The following COL27A1 variants were observed in gnomAD, a reference collection of about 807,000 sequenced individuals.
COL27A1 encodes the protein collagen type XXVII alpha 1 chain.
Under a neutral mutation model 251.3 loss-of-function variants are expected in COL27A1, and 106 were observed. That is an observed-to-expected ratio of 0.42 (90% CI 0.36 to 0.50). The LOEUF (loss-of-function observed/expected upper bound fraction) is 0.50. Among genes scored for constraint, COL27A1 ranks in the 20% least tolerant of loss-of-function variants. COL27A1 has a pLI of 0.00. For synonymous variants in COL27A1, 1,000 were observed against 986.3 expected, an observed-to-expected ratio of 1.01 and a Z score of -0.26; for missense variants, 2,325 against 2,522.8, an observed-to-expected ratio of 0.92 and a Z score of 1.68.
At chr9:114,281,365 C>T (rs1186744433) in intron 37 of COL27A1, among the ~76,000 whole-genome samples, 1 of 152,246 alleles carries the variant, frequency 6.6e-6, no homozygotes, top group African/African-American at 2.4e-5. Context: ...CCTTGCTGTG[C>T]AGTTTCTCTG....
chr9:114,231,955 T>C, intron 16 of COL27A1, 89 bp downstream of exon 16: 1 of 1,271,964 alleles, frequency 7.9e-7, no homozygotes, highest in African/African-American at 1.5e-5. Flanking sequence ...TCTCGCCAGG[T>C]CCACTCCCCT....
intron 36 of COL27A1, 138 bp from the exon 37 acceptor site, chr9:114,275,523 T>C (rs1294871873): frequency 1.0e-5 from 6 of 593,788 alleles, no homozygotes; most frequent in Non-Finnish European, 1.8e-5. Flanking sequence ...CCTTTTTGGC[T>C]GCAGAGGGAA....
At chr9:114,160,153 CTA>C (rs1313380499) in intron 1 of COL27A1, among the ~76,000 whole-genome samples, 4 of 129,904 alleles carry the variant, frequency 3.1e-5, no homozygotes, top group African/African-American at 1.2e-4. Context: ...TTTTTAAAGT[CTA>C]TTTTTTTTTT....
At chr9:114,231,367 G>C (rs905549554) in intron 15 of COL27A1, among the ~76,000 whole-genome samples, 1 of 152,200 alleles carries the variant, frequency 6.6e-6, no homozygotes, top group Admixed American at 6.5e-5. Flanking sequence ...CTGAGCATGA[G>C]TCTGACAGGG....
At chr9:114,266,007 G>T (rs1834716920) in intron 32 of COL27A1, among the ~76,000 whole-genome samples, 1 of 152,184 alleles carries the variant, frequency 6.6e-6, no homozygotes, top group South Asian at 2.1e-4. Context: ...ATGTCCCTGG[G>T]AGGACAGGTG....
At chr9:114,280,262 A>C (rs1835821689) in intron 37 of COL27A1, among the ~76,000 whole-genome samples, 1 of 150,074 alleles carries the variant, frequency 6.7e-6, no homozygotes, top group Non-Finnish European at 1.5e-5. Flanking sequence ...CCCAGGCTGG[A>C]GTGCGGTGGT....
In COL27A1 at chr9:114,250,479, C is replaced by G. The variant is rs1436112288; in HGVS notation, c.2980-136C>G. ...GCCCAGAGAGAGGCAGCGCTCTCCC[C>G]GGCACAACCCCATGCTGGCTGGGTG... On this transcript the variant is annotated intron_variant, in intron 24 of 60. Coordinates refer to ENST00000356083, the MANE Select transcript of COL27A1 (RefSeq NM_032888.4). 6.7e-6 allele frequency: 5 copies of G among 747,472 alleles called. No homozygotes were observed. In the Admixed American group the frequency reaches 8.3e-5, roughly 12 times the overall value. The allele number at this position is 747,472 out of a possible 1,614,324, so 46.3% of individuals were successfully genotyped here. A position where few individuals can be genotyped will look rare whatever the true frequency, so the allele number is the denominator to read the frequency against.
In COL27A1 at chr9:114,209,664, C is replaced by T. The variant is rs1324646013; in HGVS notation, c.2269-11C>T. Reference sequence around the variant, plus strand: ...CTTGACCGCTCTGACCCCCTTTCTTCTCTTTCCTAGGGCTACATTGGGCTC... The same window carrying T: ...CTTGACCGCTCTGACCCCCTTTCTTTTCTTTCCTAGGGCTACATTGGGCTC... On this transcript the variant is annotated splice_polypyrimidine_tract_variant and intron_variant, in intron 10 of 60. Transcript: ENST00000356083. 1 of 1,614,138 alleles carries T rather than the reference C, an allele frequency of 6.2e-7. No individual in the cohort carries two copies. Among genetic ancestry groups the T allele is most frequent in the Non-Finnish European group, 8.5e-7 (1 of 1,179,972 alleles).
chr9:114,197,129 C>T (rs545413407), intron 7 of COL27A1, among the ~76,000 whole-genome samples: 65 of 152,282 alleles, frequency 4.3e-4, no homozygotes, highest in Admixed American at 1.4e-3. Flanking sequence ...AATCCCCAAC[C>T]GCTGATGGAT....
Position 114,275,679 on chromosome 9 carries a change from G to C in COL27A1, c.3628G>C (p.Gly1210Arg), listed in dbSNP as rs553415571. The change falls in exon 37 of 61, where the codon GGG becomes CGG. Residue 1210 changes from glycine (G) to arginine (R), a missense_variant. Transcript: ENST00000356083. Reference sequence around the variant, plus strand: ...CACCCAGGGGGACAGGGGAGACCCAGGGCCTGATGGAGAACATGGCGAGAA... The same window carrying C: ...CACCCAGGGGGACAGGGGAGACCCACGGCCTGATGGAGAACATGGCGAGAA... Reference protein sequence around the residue: ...DGLKGDRGDPGPDGEHGEKGQ... With the variant: ...DGLKGDRGDPRPDGEHGEKGQ... 2 of 1,550,074 alleles carry C rather than the reference G, an allele frequency of 1.3e-6. No homozygotes were observed. The highest frequency in any genetic ancestry group is 3.9e-5 in the Admixed American group (2 of 50,978).
chr9:114,236,029 T>G (rs1038752166), intron 17 of COL27A1, among the ~76,000 whole-genome samples: 2 of 151,858 alleles, frequency 1.3e-5, no homozygotes, highest in Non-Finnish European at 2.9e-5. Context: ...TCTCTGATAT[T>G]CTCCTGCTCC....
chr9:114,206,857 G>A (rs1830001878), intron 10 of COL27A1, among the ~76,000 whole-genome samples: 1 of 152,236 alleles, frequency 6.6e-6, no homozygotes, highest in Admixed American at 6.5e-5. Flanking sequence ...CCTCTAGTCT[G>A]GTTATGTCAA....
At position 114,155,577 on chromosome 9, in the gene COL27A1, C is replaced by G. The variant is rs1478950773; in HGVS notation, c.-374C>G. 2 of 152,240 alleles carry G rather than the reference C, an allele frequency of 1.3e-5. No individual in the cohort carries two copies. Among genetic ancestry groups the G allele is most frequent in the Non-Finnish European group, 2.9e-5 (2 of 68,102 alleles). The allele number at this position is 152,240 out of a possible 1,614,324, so 9.4% of individuals were successfully genotyped here. ...CCCCAGGCCGGCGGGGAGGCAGCTT[C>G]CACCGCCCTCCGCGCGCCCTCACCC... On this transcript the variant is annotated 5_prime_UTR_variant, in exon 1 of 61. Coordinates refer to ENST00000356083, the MANE Select transcript of COL27A1 (RefSeq NM_032888.4). The surrounding 1 kb of genome is among the most constrained non-coding windows in gnomAD (Gnocchi z 5.5).
intron 14 of COL27A1, among the ~76,000 whole-genome samples, chr9:114,223,182 G>A (rs1193102698): frequency 1.3e-5 from 2 of 152,194 alleles, no homozygotes; most frequent in African/African-American, 4.8e-5. Flanking sequence ...GACACTCCAA[G>A]TGTCCCCATA....
rs1440709540 is a variant in COL27A1 at position 114,290,094 on chromosome 9, G to A, written c.4243G>A (p.Gly1415Ser). The A allele has an allele frequency of 6.2e-7, 1 of 1,611,786 alleles. No individual in the cohort carries two copies. ...KGKQGKAGAP[G>S]RRGVQGLQGL... ...AAAGCAAGGCAAGGCAGGGGCCCCAGGCCGGAGGGGGGTCCAGGTGAGTGA... is the reference window on the plus strand; with the variant it reads ...AAAGCAAGGCAAGGCAGGGGCCCCAAGCCGGAGGGGGGTCCAGGTGAGTGA... The change falls in exon 46 of 61, where the codon GGC becomes AGC. Residue 1415 changes from glycine to serine, a missense_variant. Transcript: ENST00000356083. The surrounding 1 kb of genome is among the most constrained non-coding windows in gnomAD (Gnocchi z 4.6).
At chr9:114,275,551 A>C in intron 36 of COL27A1, 110 bp from the exon 37 acceptor site, 1 of 671,148 alleles carries the variant, frequency 1.5e-6, no homozygotes, top group Non-Finnish European at 2.5e-6. Flanking sequence ...GAATCTAGGG[A>C]CCAGTTGGCT....
chr9:114,260,046 A>G (rs1447042626), intron 28 of COL27A1, among the ~76,000 whole-genome samples: 1 of 151,772 alleles, frequency 6.6e-6, no homozygotes, highest in Non-Finnish European at 1.5e-5. Context: ...GCCAGGCTCC[A>G]TCCGGATCCT....
Position 114,169,090 on chromosome 9 carries a change from C to T in COL27A1, c.1535C>T (p.Ser512Leu), listed in dbSNP as rs764588490. 2.4e-5 allele frequency: 38 copies of T among 1,613,924 alleles called. No individual in the cohort carries two copies. The highest frequency in any genetic ancestry group is 1.8e-4 in the East Asian group (8 of 44,884). The stretch of plus-strand genomic sequence containing the variant: ...CCAGCCACGATGGTACCTCCAACTT[C>T]GGGCACCAGCACTCCCAGAACAGCA... ...RPPATMVPPTSGTSTPRTAPA... is the reference protein window; with the variant it reads ...RPPATMVPPTLGTSTPRTAPA... Residue 512 changes from serine (S) to leucine (L), a missense_variant, in exon 3 of 61, where the codon TCG becomes TTG. Ser to Leu is a moderately radical substitution (Grantham distance 145). Coordinates refer to ENST00000356083, the MANE Select transcript of COL27A1 (RefSeq NM_032888.4).
At chr9:114,157,001 C>T (rs1169394414) in intron 1 of COL27A1, among the ~76,000 whole-genome samples, 1 of 152,074 alleles carries the variant, frequency 6.6e-6, no homozygotes, top group African/African-American at 2.4e-5. Context: ...CGGGATGACA[C>T]CCCCTCCTTT....
Sources: gnomAD v4.1 joint callset for allele counts (sites outside exome capture counted in the v4.1 genomes callset) on GRCh38, gnomAD v4.1.1 for gene constraint, Gnocchi (gnomAD v3.1) non-coding constraint, MANE v1.5 for transcripts, NCBI Gene and HGNC (gene_info 2026-07-23, HGNC 2026-07-21) for gene names.